The following EPB42 variants were observed in gnomAD, a reference collection of about 807,000 sequenced individuals.
EPB42 encodes protein 4.2.
In EPB42, 49 loss-of-function variants were observed where a neutral mutation model predicts 76.9. That is an observed-to-expected ratio of 0.64 (90% CI 0.51 to 0.81). The LOEUF is 0.81. Among genes scored for constraint, EPB42 ranks in the 30% least tolerant of loss-of-function variants. EPB42 has a pLI of 0.00. For synonymous variants in EPB42, 310 were observed against 338.4 expected, an observed-to-expected ratio of 0.92 and a Z score of 0.92; for missense variants, 731 against 867.6, an observed-to-expected ratio of 0.84 and a Z score of 1.98.
intron 3 of EPB42, among the ~76,000 whole-genome samples, chr15:43,212,871 C>T (rs1298435411): frequency 1.3e-5 from 2 of 152,262 alleles, no homozygotes; most frequent in East Asian, 3.9e-4. Flanking sequence ...AGGGGTTAGA[C>T]TAGTTTCTGG....
rs946852066 is a variant in EPB42, at chr15:43,219,565, C to G, written c.10+1251G>C. 3.9e-5 allele frequency among the ~76,000 whole-genome samples: 6 copies of G among 152,188 alleles called. No homozygotes were observed. In the South Asian group the frequency reaches 8.3e-4, roughly 21 times the overall value. On this transcript the variant is annotated intron_variant, in intron 1 of 12. Coordinates refer to ENST00000441366, the MANE Select transcript of EPB42 (RefSeq NM_001114134.2). ...AGAATTTAGTGCCCAGGGGCATCCT[C>G]TGGTTTGGGACTAGACTAAACAATC...
intron 3 of EPB42, 58 bp from the exon 4 acceptor site, chr15:43,211,592 T>A (rs377033588): frequency 8.8e-7 from 1 of 1,131,932 alleles, no homozygotes; most frequent in African/African-American, 1.5e-5. Context: ...ACCCTCCACA[T>A]CCAGGCCTCT....
At chr15:43,201,696 G>T in intron 12 of EPB42, 148 bp downstream of exon 12, 1 of 1,224,040 alleles carries the variant, frequency 8.2e-7, no homozygotes, top group Non-Finnish European at 1.2e-6. Context: ...GATGAGGGAA[G>T]CCACTTGGTA....
Position 43,215,335 on chromosome 15 carries a change from T to A in EPB42, c.197-7A>T. On this transcript the variant is annotated splice_region_variant and splice_polypyrimidine_tract_variant and intron_variant, in intron 2 of 12. Transcript: ENST00000441366. ...ATCTTGGAAGGCTGCTCTCCTGTAG[T>A]CACACGGTGATTAGTCTGTCACTGG... The A allele has an allele frequency of 6.2e-7, 1 of 1,613,932 alleles. No homozygotes were observed. Among genetic ancestry groups the A allele is most frequent in the Non-Finnish European group, 8.5e-7 (1 of 1,179,776 alleles).
chr15:43,215,012 C>T, intron 3 of EPB42, 83 bp downstream of exon 3: 1 of 1,192,742 alleles, frequency 8.4e-7, no homozygotes, highest in African/African-American at 1.5e-5. Flanking sequence ...GGGCCTGGTG[C>T]AGGTGCTCCC....
At position 43,215,294 on chromosome 15, in the gene EPB42, G is replaced by A. The variant is rs766504124; in HGVS notation, c.231C>T (p.Ala77=). 6.2e-7 allele frequency: 1 copy of A among 1,614,230 alleles called. No homozygotes were observed. The highest frequency in any genetic ancestry group is 1.7e-5 in the Admixed American group (1 of 60,034). Residue 77 remains alanine (A), a synonymous_variant, in exon 3 of 13, where the codon GCC becomes GCT. Coordinates refer to ENST00000441366, the MANE Select transcript of EPB42 (RefSeq NM_001114134.2). The part of the protein sequence containing the change: ...EQPSKINRTQ[A]TFPISSLGDR... ...CCCCCAGACTGGAAATTGGGAATGT[G>A]GCTTGGGTCCTGTTGATCTTGGAAG...
chr15:43,215,628 T>C (rs576514509), intron 2 of EPB42, among the ~76,000 whole-genome samples: 1 of 152,372 alleles, frequency 6.6e-6, no homozygotes, highest in South Asian at 2.1e-4. Flanking sequence ...ACAGGTAGTA[T>C]GGATTCAATA....
Position 43,206,684 on chromosome 15 carries a change from T to G in EPB42, c.1319-55A>C. 1 of 1,599,338 alleles carries G rather than the reference T, an allele frequency of 6.3e-7. No individual in the cohort carries two copies. Among genetic ancestry groups the G allele is most frequent in the Non-Finnish European group, 8.6e-7 (1 of 1,168,030 alleles). On this transcript the variant is annotated intron_variant, in intron 9 of 12. Coordinates refer to ENST00000441366, the MANE Select transcript of EPB42 (RefSeq NM_001114134.2). This position sits in a 1 kb window ranked among gnomAD's most constrained non-coding sequence, Gnocchi z 4.7. ...TTTACCCGGGTGGTATAAATGCTTC[T>G]AATAAAACCCTGGGAATCAAAACCA...
Position 43,220,905 on chromosome 15 carries a change from T to C in EPB42, c.-80A>G. 1 of 1,341,998 alleles carries C rather than the reference T, an allele frequency of 7.5e-7. No individual in the cohort carries two copies. Among genetic ancestry groups the C allele is most frequent in the Non-Finnish European group, 1.1e-6 (1 of 944,276 alleles). 83.1% of individuals were successfully genotyped at this position (1,341,998 alleles called of 1,614,324 possible). On this transcript the variant is annotated 5_prime_UTR_variant, in exon 1 of 13. Transcript: ENST00000441366. ...TGTTGCTTCTGGGCTCCTTCTGGGC[T>C]TTCTGTCTTCCAGACAGAAAATATG...
chr15:43,197,532 T>C (rs2042061030), intron 12 of EPB42, 68 bp from the exon 13 acceptor site: 2 of 1,584,468 alleles, frequency 1.3e-6, no homozygotes, highest in Non-Finnish European at 8.7e-7. Flanking sequence ...CCCAGTGACT[T>C]TGATCCTTCC....
upstream of EPB42, among the ~76,000 whole-genome samples, chr15:43,222,445 C>G (rs1188684810): frequency 6.6e-6 from 1 of 152,078 alleles, no homozygotes; most frequent in Non-Finnish European, 1.5e-5. Flanking sequence ...GGAGGGACAC[C>G]AAATAAGACT....
chr15:43,205,600 A>C, intron 10 of EPB42, among the ~76,000 whole-genome samples: 1 of 152,040 alleles, frequency 6.6e-6, no homozygotes, highest in East Asian at 1.9e-4. Flanking sequence ...GGGTTTCACC[A>C]TGTTGCCCAG....
chr15:43,209,352 G>A lies in EPB42; in HGVS notation c.754C>T (p.Leu252=). Residue 252 remains leucine, a synonymous_variant, in exon 6 of 13, where the codon CTG becomes TTG. Coordinates refer to ENST00000441366, the MANE Select transcript of EPB42 (RefSeq NM_001114134.2). The part of the protein sequence containing the change: ...LNKRRGSVPI[L]RQWLTGRGRP... ...CCTCGGCCGGTGAGCCACTGCCGCA[G>A]GATGGGCACGCTGCCCCGGCGCTTG... is the stretch of plus-strand genomic sequence containing the variant. The A allele has an allele frequency of 1.2e-6, 2 of 1,614,144 alleles. No individual in the cohort carries two copies. The highest frequency in any genetic ancestry group is 2.2e-5 in the South Asian group (2 of 91,084).
chr15:43,221,077 T>G, upstream of EPB42: 1 of 507,446 alleles, frequency 2.0e-6, no homozygotes, highest in Non-Finnish European at 3.6e-6. Context: ...GTTCATTTTA[T>G]CTCTTGTGCC....
chr15:43,214,034 G>C (rs1190164916), intron 3 of EPB42, among the ~76,000 whole-genome samples: 1 of 152,214 alleles, frequency 6.6e-6, no homozygotes, highest in Non-Finnish European at 1.5e-5. Context: ...CTTGCCACGG[G>C]GCCTCCTTCA....
rs1247735551 is a variant in EPB42, at chr15:43,203,124, A to C, written c.1770T>G (p.Leu590=). ...GAGGACTGGTGCCTACCTTGATGGC[A>C]AGGTGTGGTCTACAAATGGCAATGT... The part of the protein sequence containing the change: ...QEDIAICRPH[L]AIKMPEKAEQ... The change falls in exon 11 of 13, where the codon CTT becomes CTG. Residue 590 remains leucine (L), a synonymous_variant. Transcript: ENST00000441366. 1 of 1,614,060 alleles carries C rather than the reference A, an allele frequency of 6.2e-7. No individual in the cohort carries two copies. Among genetic ancestry groups the C allele is most frequent in the East Asian group, 2.2e-5 (1 of 44,890 alleles).
intron 3 of EPB42, 74 bp from the exon 4 acceptor site, chr15:43,211,608 C>A (rs943161270): frequency 4.9e-6 from 5 of 1,015,676 alleles, no homozygotes; most frequent in Non-Finnish European, 7.8e-6. Context: ...CCTCTGTCCT[C>A]CCTGCCGAGA....
At chr15:43,218,572 A>T (rs1294535509) in intron 1 of EPB42, among the ~76,000 whole-genome samples, 1 of 152,188 alleles carries the variant, frequency 6.6e-6, no homozygotes, top group Non-Finnish European at 1.5e-5. Flanking sequence ...GAGCTCCCCA[A>T]GATACAGTGC....
In EPB42 at chr15:43,197,279, A is replaced by C. The variant is rs780646255; in HGVS notation, c.*23T>G. 1 of 1,614,152 alleles carries C rather than the reference A, an allele frequency of 6.2e-7. No homozygotes were observed. Among genetic ancestry groups the C allele is most frequent in the Non-Finnish European group, 8.5e-7 (1 of 1,180,012 alleles). The stretch of plus-strand genomic sequence containing the variant: ...AGATTGTAGAACAAGGGTTGGCAGG[A>C]GAGTGGTGATAGAGCTGGAAGTTTA... On this transcript the variant is annotated 3_prime_UTR_variant, in exon 13 of 13. Transcript: ENST00000441366.
Sources: allele counts gnomAD v4.1 joint callset (sites outside exome capture counted in the v4.1 genomes callset), GRCh38; gene constraint gnomAD v4.1.1; non-coding constraint Gnocchi (gnomAD v3.1); transcripts MANE v1.5; gene names NCBI Gene and HGNC (gene_info 2026-07-23, HGNC 2026-07-21).